PTPRD: variants seen among roughly 807,000 people sequenced by gnomAD.
The protein encoded by PTPRD is protein tyrosine phosphatase receptor type D.
Under a neutral mutation model 214.5 loss-of-function variants are expected in PTPRD, and 34 were observed. The ratio of observed to expected loss-of-function variants is 0.16; its 90% CI spans 0.12 to 0.21. PTPRD has a LOEUF of 0.21. Ranked by LOEUF, PTPRD falls within the 10% of genes least tolerant of loss-of-function variation. The probability of loss-of-function intolerance (pLI) is 1.00; values close to 1 mark genes in which losing one functional copy is unlikely to be tolerated. For synonymous variants in PTPRD, 1,128 were observed against 845.7 expected (o/e 1.33, Z -5.79); for missense variants, 2,545 against 2,398.7 (o/e 1.06, Z -1.27).
intron 7 of PTPRD, among the ~76,000 whole-genome samples, chr9:9,723,572 G>A (rs1343793841): frequency 1.3e-5 from 2 of 151,952 alleles, no homozygotes; most frequent in African/African-American, 4.8e-5. Context: ...AAGTGAGCTG[G>A]GATTCCGATT....
chr9:9,652,326 G>A (rs770799816), intron 7 of PTPRD, among the ~76,000 whole-genome samples: 3 of 152,108 alleles, frequency 2.0e-5, no homozygotes, highest in African/African-American at 7.2e-5. Context: ...GCAATAATCT[G>A]AGACAAAGTT....
At chr9:8,753,469 G>C (rs1327177417) in intron 11 of PTPRD, among the ~76,000 whole-genome samples, 2 of 152,168 alleles carry the variant, frequency 1.3e-5, no homozygotes, top group Non-Finnish European at 2.9e-5. Flanking sequence ...GCTTCTTAAA[G>C]GAATGATATT....
intron 2 of PTPRD, among the ~76,000 whole-genome samples, chr9:10,430,118 T>G (rs2098663631): frequency 6.6e-6 from 1 of 151,988 alleles, no homozygotes; most frequent in African/African-American, 2.4e-5. Context: ...TAGAACAACC[T>G]TCATGTATTT....
At chr9:9,003,474 A>G (rs947040150) in intron 11 of PTPRD, among the ~76,000 whole-genome samples, 1 of 152,036 alleles carries the variant, frequency 6.6e-6, no homozygotes, top group East Asian at 1.9e-4. Context: ...CATTTTGAAT[A>G]TGGTTTTAGA....
At chr9:9,784,867 TAC>T (rs1005503249) in intron 5 of PTPRD, among the ~76,000 whole-genome samples, 114 of 149,506 alleles carry the variant, frequency 7.6e-4, no homozygotes, top group African/African-American at 2.6e-3. Flanking sequence ...ATTATATATA[TAC>T]ACACACACAC....
chr9:9,906,166 C>G (rs926287414), intron 5 of PTPRD, among the ~76,000 whole-genome samples: 1 of 151,700 alleles, frequency 6.6e-6, no homozygotes, highest in African/African-American at 2.4e-5. Context: ...GAGTGTCAGG[C>G]TCTAGTAAGG....
intron 3 of PTPRD, among the ~76,000 whole-genome samples, chr9:10,149,578 T>C (rs1256837656): frequency 1.3e-5 from 2 of 152,168 alleles, no homozygotes; most frequent in Non-Finnish European, 2.9e-5. Flanking sequence ...CTAGTCCCCA[T>C]GACTGTTGGA....
At position 8,931,796 on chromosome 9, in the gene PTPRD, G is replaced by GT. The variant is rs199759256; in HGVS notation, c.-104+86900dup. 5.3e-4 allele frequency among the ~76,000 whole-genome samples: 80 copies of GT among 151,406 alleles called. No individual in the cohort carries two copies. The East Asian group carries it at 8.2e-3, about 15-fold the overall frequency. ...TCGGCTATGAATCTGTCTGGTCCTG[G>GT]TTTTTTTTTGGTTGGTAGGCTATTG... is the stretch of plus-strand genomic sequence containing the variant. On this transcript the variant is annotated intron_variant, in intron 11 of 45. Transcript: ENST00000381196.
At chr9:9,643,407 A>G (rs1452328086) in intron 7 of PTPRD, among the ~76,000 whole-genome samples, 1 of 152,176 alleles carries the variant, frequency 6.6e-6, no homozygotes, top group Non-Finnish European at 1.5e-5. Flanking sequence ...TTGGATTTGT[A>G]ACTCCAGGAC....
chr9:9,782,953 G>A (rs1215608682), intron 5 of PTPRD, among the ~76,000 whole-genome samples: 1 of 152,056 alleles, frequency 6.6e-6, no homozygotes, highest in African/African-American at 2.4e-5. Flanking sequence ...AAGATATCTG[G>A]ATAGATAAGC....
intron 4 of PTPRD, among the ~76,000 whole-genome samples, chr9:9,943,011 T>A (rs372184341): frequency 6.6e-6 from 1 of 151,854 alleles, no homozygotes; most frequent in African/African-American, 2.4e-5. Flanking sequence ...CTCCATTGCA[T>A]CTTCCCTGCA....
chr9:8,645,093 T>C (rs563515318), intron 12 of PTPRD, among the ~76,000 whole-genome samples: 1 of 152,350 alleles, frequency 6.6e-6, no homozygotes, highest in South Asian at 2.1e-4. Flanking sequence ...TGAAATATCT[T>C]TTATGTAACT....
intron 5 of PTPRD, among the ~76,000 whole-genome samples, chr9:9,921,532 G>T (rs1317013334): frequency 2.6e-5 from 4 of 151,234 alleles, no homozygotes; most frequent in South Asian, 2.1e-4. Flanking sequence ...GATTCTTTCT[G>T]GTCTTAAGAT....
At chr9:9,225,743 A>G (rs931265274) in intron 9 of PTPRD, among the ~76,000 whole-genome samples, 6 of 152,100 alleles carry the variant, frequency 3.9e-5, no homozygotes, top group African/African-American at 1.4e-4. Context: ...CCTGGAGGAA[A>G]AGCAACAGAG....
chr9:9,702,251 G>T (rs997197115), intron 7 of PTPRD, among the ~76,000 whole-genome samples: 4 of 152,198 alleles, frequency 2.6e-5, no homozygotes, highest in Non-Finnish European at 5.9e-5. Context: ...TAGGGAGAGG[G>T]TGCATAAAAC....
At chr9:9,403,290 CA>C (rs56105335) in intron 8 of PTPRD, among the ~76,000 whole-genome samples, 25 of 60,660 alleles carry the variant, frequency 4.1e-4, no homozygotes, top group South Asian at 2.6e-3. Flanking sequence ...TACTCTGTCT[CA>C]AAAAAAAAAA....
intron 6 of PTPRD, among the ~76,000 whole-genome samples, chr9:9,762,236 C>A (rs1037307969): frequency 6.6e-6 from 1 of 152,178 alleles, no homozygotes; most frequent in Non-Finnish European, 1.5e-5. Flanking sequence ...ATTGTCCTGT[C>A]AAGTCCAAGA....
intron 11 of PTPRD, among the ~76,000 whole-genome samples, chr9:8,795,962 A>T (rs1209450810): frequency 6.6e-6 from 1 of 152,228 alleles, no homozygotes; most frequent in Non-Finnish European, 1.5e-5. Context: ...ACTATGGAGC[A>T]AAGTTCTTTT....
intron 4 of PTPRD, among the ~76,000 whole-genome samples, chr9:9,977,030 A>G (rs1455571964): frequency 1.3e-5 from 2 of 152,322 alleles, no homozygotes; most frequent in Middle Eastern, 3.4e-3. Flanking sequence ...GAAAATATAT[A>G]GCACTGGCAA....
Sources: allele counts gnomAD v4.1 joint callset (sites outside exome capture counted in the v4.1 genomes callset), GRCh38; gene constraint gnomAD v4.1.1; transcripts MANE v1.5; gene names NCBI Gene and HGNC (gene_info 2026-07-23, HGNC 2026-07-21).